Variants in IGSF21 observed in about 807,000 individuals in gnomAD.
The protein encoded by IGSF21 is immunoglobin superfamily member 21.
A neutral mutation model predicts 46.8 loss-of-function variants in IGSF21; 28 were observed. That is an observed-to-expected ratio of 0.60 (90% CI 0.44 to 0.82). IGSF21 has a LOEUF of 0.82. Among genes scored for constraint, IGSF21 ranks in the 40% least tolerant of loss-of-function variants. The pLI, the probability that IGSF21 is intolerant of heterozygous loss-of-function variation, is 0.00. For missense variants in IGSF21, 624 were observed against 665.5 expected (o/e 0.94, Z 0.69); for synonymous variants, 284 against 273.6 (o/e 1.04, Z -0.38).
At chr1:18,117,795 G>C (rs533069860) in intron 1 of IGSF21, among the ~76,000 whole-genome samples, 1 of 152,350 alleles carries the variant, frequency 6.6e-6, no homozygotes, top group African/African-American at 2.4e-5. Context: ...GAATTACAGA[G>C]CATCTGAGCC....
Position 18,295,404 on chromosome 1 carries a change from G to A in IGSF21, c.305+3417G>A, listed in dbSNP as rs1288350649. On this transcript the variant is annotated intron_variant, in intron 3 of 9. Coordinates refer to ENST00000251296, the MANE Select transcript of IGSF21 (RefSeq NM_032880.5). The stretch of plus-strand genomic sequence containing the variant: ...GATACAGGGGGAATGAGAAAAGCAC[G>A]GCTTTGCAATCTAGTCGGAGAGACA... 5.3e-5 allele frequency among the ~76,000 whole-genome samples: 8 copies of A among 152,170 alleles called. No individual in the cohort carries two copies. The South Asian group carries it at 6.2e-4, about 12-fold the overall frequency.
chr1:18,359,375 A>AAGG (rs2086063687), intron 4 of IGSF21, among the ~76,000 whole-genome samples: 1 of 97,074 alleles, frequency 1.0e-5, no homozygotes, highest in African/African-American at 4.3e-5. Context: ...AGAAAGAAAG[A>AAGG]AAGAAAGAAA....
chr1:18,143,544 C>G (rs2124427370), intron 1 of IGSF21, among the ~76,000 whole-genome samples: 2 of 152,302 alleles, frequency 1.3e-5, no homozygotes, highest in South Asian at 4.1e-4. Flanking sequence ...CAGTGTCCAG[C>G]TCCCCACACC....
At chr1:18,276,559 C>A (rs182619031) in intron 2 of IGSF21, among the ~76,000 whole-genome samples, 22 of 152,282 alleles carry the variant, frequency 1.4e-4, no homozygotes, top group Admixed American at 4.6e-4. Flanking sequence ...ATCGTAGACC[C>A]CCCGACCCCC....
At chr1:18,225,085 T>TCTCTCTCTCTCTCACACACACACACA in intron 1 of IGSF21, among the ~76,000 whole-genome samples, 57 of 51,584 alleles carry the variant, frequency 1.1e-3, no homozygotes, top group East Asian at 2.2e-3. Flanking sequence ...TCTCTCTCTC[T>TCTCTCTCTCTCTCACACACACACACA]CACACACACA....
intron 6 of IGSF21, among the ~76,000 whole-genome samples, chr1:18,371,894 G>C (rs1023499745): frequency 6.6e-6 from 1 of 152,202 alleles, no homozygotes. Context: ...TCGCCCACAA[G>C]GTAGGAATTG....
rs986082268 is a variant in IGSF21, at chr1:18,285,122, A to G, written c.184-6744A>G. ...TTATTACAGCTATTTCCAACCTGTA[A>G]TTGGTTTTGTGGAAAACAAAGAGAA... On this transcript the variant is annotated intron_variant, in intron 2 of 9. Transcript: ENST00000251296. Among the ~76,000 whole-genome samples, 52 of 152,156 alleles carry G rather than the reference A, an allele frequency of 3.4e-4. 1 individual carries two copies. Among genetic ancestry groups the G allele is most frequent in the South Asian group, 2.1e-4 (1 of 4,818 alleles).
intron 2 of IGSF21, among the ~76,000 whole-genome samples, chr1:18,251,445 C>G (rs1217885291): frequency 6.6e-6 from 1 of 152,190 alleles, no homozygotes; most frequent in Non-Finnish European, 1.5e-5. Flanking sequence ...CAGAGCTACT[C>G]TCTTCCATGA....
intron 1 of IGSF21, among the ~76,000 whole-genome samples, chr1:18,118,900 T>A (rs868830828): frequency 4.7e-5 from 7 of 149,038 alleles, no homozygotes; most frequent in Non-Finnish European, 8.9e-5. Context: ...CTTTCTTTCC[T>A]TCCCTCCCTC....
rs2086309523 is a variant in IGSF21, at chr1:18,378,449, C to T, written c.*123C>T. On this transcript the variant is annotated 3_prime_UTR_variant, in exon 10 of 10. Transcript: ENST00000251296. The stretch of plus-strand genomic sequence containing the variant: ...CCATCTGTGTCTTGGCTTCTTCAGT[C>T]GGTTTAATTAAAACAAACAGAACAA... 6 of 812,674 alleles carry T rather than the reference C, an allele frequency of 7.4e-6. No individual in the cohort carries two copies. Among genetic ancestry groups the T allele is most frequent in the Middle Eastern group, 2.3e-4 (1 of 4,362 alleles). The allele number at this position is 812,674 out of a possible 1,614,324, so 50.3% of individuals were successfully genotyped here.
At chr1:18,226,006 A>G (rs2084562657) in intron 1 of IGSF21, among the ~76,000 whole-genome samples, 1 of 152,188 alleles carries the variant, frequency 6.6e-6, no homozygotes, top group African/African-American at 2.4e-5. Flanking sequence ...TGTCCTGGTG[A>G]TTAAGTGAGT....
chr1:18,108,627 TG>T (rs911345166), intron 1 of IGSF21, among the ~76,000 whole-genome samples: 2 of 150,954 alleles, frequency 1.3e-5, no homozygotes, highest in African/African-American at 2.4e-5. Context: ...GAGCGAATGT[TG>T]GGGGGAGGGT....
chr1:18,233,388 T>A (rs1330722888), intron 2 of IGSF21, among the ~76,000 whole-genome samples: 1 of 152,116 alleles, frequency 6.6e-6, no homozygotes, highest in Non-Finnish European at 1.5e-5. Context: ...CTTGGGACCA[T>A]TTGAAAAGGA....
chr1:18,288,888 G>T (rs1005335024), intron 2 of IGSF21, among the ~76,000 whole-genome samples: 1 of 152,196 alleles, frequency 6.6e-6, no homozygotes. Context: ...TTACTCCTCT[G>T]GCTGACAGTG....
rs139167272 is a variant in IGSF21, at chr1:18,323,229, G to C, written c.306-11663G>C. ...TGGTAAATCATGACTGGCAGGTCTG[G>C]GGTGTCCCTCTAGTCAGGAGTAAGG... On this transcript the variant is annotated intron_variant, in intron 3 of 9. Transcript: ENST00000251296. 7.9e-3 allele frequency among the ~76,000 whole-genome samples: 1,198 copies of C among 152,270 alleles called. 8 individuals are homozygous for C. The highest frequency in any genetic ancestry group is 0.013 in the Non-Finnish European group (871 of 68,030).
intron 1 of IGSF21, among the ~76,000 whole-genome samples, chr1:18,181,841 T>C (rs1475647163): frequency 6.6e-6 from 1 of 152,156 alleles, no homozygotes; most frequent in Non-Finnish European, 1.5e-5. Flanking sequence ...CGTTCCCATC[T>C]TGACACCACT....
intron 2 of IGSF21, among the ~76,000 whole-genome samples, chr1:18,291,512 T>A (rs962248988): frequency 6.6e-6 from 1 of 152,184 alleles, no homozygotes; most frequent in Non-Finnish European, 1.5e-5. Context: ...CCCTCCATGA[T>A]CTGGCCCACA....
intron 2 of IGSF21, among the ~76,000 whole-genome samples, chr1:18,261,982 G>A (rs1281850814): frequency 6.6e-6 from 1 of 152,214 alleles, no homozygotes; most frequent in East Asian, 1.9e-4. Context: ...AAGTGGAGTA[G>A]AATGGAGTTG....
chr1:18,293,495 G>A (rs79171961), intron 3 of IGSF21, among the ~76,000 whole-genome samples: 1,751 of 152,268 alleles, frequency 0.011, 42 homozygotes, highest in African/African-American at 0.04. Context: ...GAATGTGGAC[G>A]TGAAGGTGTG....
Sources: gnomAD v4.1 joint callset for allele counts (sites outside exome capture counted in the v4.1 genomes callset) on GRCh38, gnomAD v4.1.1 for gene constraint, MANE v1.5 for transcripts, NCBI Gene and HGNC (gene_info 2026-07-23, HGNC 2026-07-21) for gene names.